Variants in DAB1 observed in about 807,000 individuals in gnomAD.
The protein encoded by DAB1 is DAB adaptor protein 1.
Under a neutral mutation model 64.6 loss-of-function variants are expected in DAB1, and 15 were observed. The observed-to-expected ratio is 0.23, with a 90% confidence interval of 0.16 to 0.36. The LOEUF is 0.36. Among genes scored for constraint, DAB1 ranks in the 10% least tolerant of loss-of-function variants. The pLI is 1.00. For synonymous variants in DAB1, 235 were observed against 251.9 expected (o/e 0.93, Z 0.64); for missense variants, 596 against 706.7 (o/e 0.84, Z 1.78).
chr1:58,182,573 A>G (rs1469147103), intron 4 of DAB1, among the ~76,000 whole-genome samples: 1 of 151,900 alleles, frequency 6.6e-6, no homozygotes, highest in Non-Finnish European at 1.5e-5. Context: ...TCTGCTGTTG[A>G]GCCCCTTGAG....
chr1:58,087,182 T>C (rs1650367108), intron 5 of DAB1, among the ~76,000 whole-genome samples: 1 of 152,200 alleles, frequency 6.6e-6, no homozygotes, highest in Admixed American at 6.5e-5. Context: ...TTATAGCATA[T>C]GTAAGGTACT....
At chr1:57,914,648 TTGAA>T (rs1644699389) in intron 5 of DAB1, among the ~76,000 whole-genome samples, 1 of 152,188 alleles carries the variant, frequency 6.6e-6, no homozygotes, top group Admixed American at 6.5e-5. Context: ...AAAAAGTCTG[TTGAA>T]TGAATGAACA....
At chr1:57,429,149 ATGCGATCCTCC>A (rs1168205529) in intron 7 of DAB1, among the ~76,000 whole-genome samples, 2 of 152,154 alleles carry the variant, frequency 1.3e-5, no homozygotes, top group Non-Finnish European at 2.9e-5. Context: ...TTTTGGCTTC[ATGCGATCCTCC>A]TGCCTCACCT....
intron 6 of DAB1, among the ~76,000 whole-genome samples, chr1:57,738,251 T>C (rs1291772663): frequency 1.3e-5 from 2 of 152,080 alleles, no homozygotes; most frequent in African/African-American, 2.4e-5. Flanking sequence ...TAGGAAGTAA[T>C]AAAAAGTCAA....
intron 5 of DAB1, among the ~76,000 whole-genome samples, chr1:58,051,109 T>C (rs952114808): frequency 1.3e-5 from 2 of 152,184 alleles, no homozygotes; most frequent in Non-Finnish European, 2.9e-5. Context: ...GCAGGTTTGA[T>C]ACATATGTAT....
chr1:57,458,005 A>G (rs182877259), intron 7 of DAB1, among the ~76,000 whole-genome samples: 3 of 152,260 alleles, frequency 2.0e-5, no homozygotes, highest in African/African-American at 7.2e-5. Flanking sequence ...ATCAATAACA[A>G]CAGACTCACA....
chr1:57,725,763 T>G (rs559922068), intron 6 of DAB1, among the ~76,000 whole-genome samples: 1 of 152,032 alleles, frequency 6.6e-6, no homozygotes. Context: ...CTTTTCTTTT[T>G]TTTTTTGAGA....
intron 4 of DAB1, among the ~76,000 whole-genome samples, chr1:58,295,850 G>A (rs759491386): frequency 9.2e-5 from 14 of 151,916 alleles, no homozygotes; most frequent in Non-Finnish European, 2.1e-4. Flanking sequence ...CAGCACTTTG[G>A]GAGGTCAAGG....
chr1:57,566,040 A>T (rs991414159), intron 7 of DAB1, among the ~76,000 whole-genome samples: 1 of 152,240 alleles, frequency 6.6e-6, no homozygotes, highest in Admixed American at 6.5e-5. Flanking sequence ...AGCACTCCTC[A>T]GCAAATTAAA....
At chr1:57,805,776 C>T (rs1651332690) in intron 6 of DAB1, among the ~76,000 whole-genome samples, 1 of 152,100 alleles carries the variant, frequency 6.6e-6, no homozygotes, top group Admixed American at 6.5e-5. Context: ...TTCCATTGCT[C>T]AGGTACTGAA....
intron 1 of DAB1, among the ~76,000 whole-genome samples, chr1:57,295,087 T>C (rs1203019893): frequency 1.3e-5 from 2 of 152,100 alleles, no homozygotes; most frequent in Non-Finnish European, 2.9e-5. Context: ...GGCATAAGGT[T>C]GAGGAACTGC....
At chr1:57,515,118 A>AAAAAGAAAAGAAAAG (rs147543726) in intron 7 of DAB1, among the ~76,000 whole-genome samples, 78 of 151,782 alleles carry the variant, frequency 5.1e-4, no homozygotes, top group African/African-American at 1.8e-3. Context: ...GAAAGAAAGA[A>AAAAAGAAAAGAAAAG]AAAAGAAAAG....
At chr1:58,035,937 G>A (rs1443777158) in intron 5 of DAB1, among the ~76,000 whole-genome samples, 1 of 152,188 alleles carries the variant, frequency 6.6e-6, no homozygotes, top group Non-Finnish European at 1.5e-5. Context: ...ACTTCAAATT[G>A]TGTCTCATGA....
chr1:57,480,551 C>T (rs1028301044), intron 7 of DAB1, among the ~76,000 whole-genome samples: 2 of 151,220 alleles, frequency 1.3e-5, no homozygotes, highest in African/African-American at 2.4e-5. Context: ...GTAGCTTAAT[C>T]GTGGCTCACT....
At chr1:57,257,254 C>A (rs1669834000) in intron 2 of DAB1, among the ~76,000 whole-genome samples, 1 of 152,298 alleles carries the variant, frequency 6.6e-6, no homozygotes, top group South Asian at 2.1e-4. Flanking sequence ...GTATCTCCTG[C>A]AAACAAATTG....
At chr1:58,516,803 A>C (rs1033136162) in intron 2 of DAB1, among the ~76,000 whole-genome samples, 16 of 152,222 alleles carry the variant, frequency 1.1e-4, no homozygotes, top group Admixed American at 7.2e-4. Context: ...ACATAAAATC[A>C]GAATGCCAAC....
intron 7 of DAB1, chr1:57,605,978 A>G: frequency 1.5e-6 from 1 of 679,336 alleles, no homozygotes. Context: ...AAACGACCTC[A>G]TGTCTTAGAA....
intron 1 of DAB1, among the ~76,000 whole-genome samples, chr1:57,873,108 A>C (rs1299551860): frequency 1.3e-5 from 2 of 152,120 alleles, no homozygotes; most frequent in Non-Finnish European, 2.9e-5. Context: ...CTAAGGCCAG[A>C]TCATAAAGGG....
At chr1:57,628,385 T>C (rs1039739535) in intron 7 of DAB1, among the ~76,000 whole-genome samples, 1 of 152,220 alleles carries the variant, frequency 6.6e-6, no homozygotes, top group Non-Finnish European at 1.5e-5. Context: ...TGGCAGATAT[T>C]GTGGCTATCT....
Sources: gnomAD v4.1 joint callset for allele counts (sites outside exome capture counted in the v4.1 genomes callset) on GRCh38, gnomAD v4.1.1 for gene constraint, MANE v1.5 for transcripts, NCBI Gene and HGNC (gene_info 2026-07-23, HGNC 2026-07-21) for gene names.